Variants in PACRG observed in about 807,000 individuals in gnomAD.
PACRG encodes the protein parkin coregulated gene protein.
Under a neutral mutation model 29.7 loss-of-function variants are expected in PACRG, and 29 were observed. That is an observed-to-expected ratio of 0.98 (90% CI 0.73 to 1.33). The LOEUF (loss-of-function observed/expected upper bound fraction) is 1.33, where lower values mean the gene tolerates loss of function less well. Ranked by LOEUF, PACRG falls within the 40% of genes most tolerant of loss-of-function variation. PACRG has a pLI of 0.00. For missense variants in PACRG, 279 were observed against 316.2 expected, an observed-to-expected ratio of 0.88 and a Z score of 0.89; for synonymous variants, 116 against 118.7, an observed-to-expected ratio of 0.98 and a Z score of 0.15.
chr6:163,292,196 C>T (rs1355241519), intron 4 of PACRG, among the ~76,000 whole-genome samples: 2 of 152,078 alleles, frequency 1.3e-5, no homozygotes, highest in Admixed American at 6.6e-5. Flanking sequence ...AAAGGAAGAC[C>T]GACCTCGACA....
chr6:163,174,875 A>G (rs10806770), intron 4 of PACRG, among the ~76,000 whole-genome samples: 45,795 of 151,592 alleles, frequency 0.3, 7,118 homozygotes, highest in East Asian at 0.46. Context: ...GAGTCCTCAC[A>G]GCACACGTAA....
At chr6:163,030,886 TG>T (rs1807597951) in intron 2 of PACRG, among the ~76,000 whole-genome samples, 1 of 152,218 alleles carries the variant, frequency 6.6e-6, no homozygotes, top group Non-Finnish European at 1.5e-5. Context: ...GCTTCTTTAC[TG>T]CAACCTGTTT....
intron 4 of PACRG, among the ~76,000 whole-genome samples, chr6:163,138,985 A>G (rs1452448687): frequency 6.6e-6 from 1 of 152,212 alleles, no homozygotes; most frequent in East Asian, 1.9e-4. Flanking sequence ...TAGACCGGCC[A>G]TATCCTGACT....
At chr6:163,118,360 G>A (rs7742100) in intron 4 of PACRG, among the ~76,000 whole-genome samples, 5,221 of 152,324 alleles carry the variant, frequency 0.034, 324 homozygotes, top group African/African-American at 0.12. Context: ...TTGAGTCACT[G>A]ATTCCATGTC....
chr6:162,799,640 T>C (rs1785685270), intron 1 of PACRG, among the ~76,000 whole-genome samples: 2 of 152,040 alleles, frequency 1.3e-5, no homozygotes, highest in Admixed American at 6.5e-5. Context: ...CTTTTTTTTT[T>C]CTTACTACTA....
intron 1 of PACRG, among the ~76,000 whole-genome samples, chr6:162,730,631 A>T (rs1320179129): frequency 6.6e-6 from 1 of 152,176 alleles, no homozygotes; most frequent in East Asian, 1.9e-4. Flanking sequence ...AACAATCTGG[A>T]TATGAGAGTG....
At chr6:163,025,081 T>C (rs1246281254) in intron 2 of PACRG, among the ~76,000 whole-genome samples, 1 of 152,184 alleles carries the variant, frequency 6.6e-6, no homozygotes, top group Non-Finnish European at 1.5e-5. Flanking sequence ...TGAAGGAACA[T>C]TGCTCAAAAT....
intron 4 of PACRG, chr6:163,166,175 T>TGAAAG (rs1276985737): frequency 4.4e-6 from 2 of 456,300 alleles, no homozygotes; most frequent in Non-Finnish European, 8.8e-6. Flanking sequence ...GGTTTTGTGC[T>TGAAAG]CGTTTCCTCT....
At chr6:163,024,795 T>C (rs188235708) in intron 2 of PACRG, among the ~76,000 whole-genome samples, 1 of 152,146 alleles carries the variant, frequency 6.6e-6, no homozygotes. Context: ...CAGACAAATA[T>C]CCCTCATGAA....
At chr6:163,300,667 C>T (rs1784953800) in intron 4 of PACRG, among the ~76,000 whole-genome samples, 1 of 152,210 alleles carries the variant, frequency 6.6e-6, no homozygotes, top group Non-Finnish European at 1.5e-5. Flanking sequence ...TTTAGTGCCT[C>T]AAAACACAAA....
intron 2 of PACRG, among the ~76,000 whole-genome samples, chr6:162,967,278 G>A (rs868827396): frequency 6.6e-6 from 1 of 151,566 alleles, no homozygotes; most frequent in Admixed American, 6.6e-5. Context: ...GGTATCAAAT[G>A]TGTCTGGTCT....
At chr6:162,810,436 G>A (rs1281505536) in intron 1 of PACRG, among the ~76,000 whole-genome samples, 1 of 152,134 alleles carries the variant, frequency 6.6e-6, no homozygotes, top group Non-Finnish European at 1.5e-5. Flanking sequence ...ATCTCAGAGT[G>A]AATGTAAAAA....
rs11759736 is a variant in PACRG at position 162,915,939 on chromosome 6, G to A, written c.291+101658G>A. ...AGCTATACATATTTAAAGAACTTAA[G>A]AGGAAAGCACAGTTTTTACATTACC... On this transcript the variant is annotated intron_variant, in intron 2 of 4. Coordinates refer to ENST00000366888, the MANE Select transcript of PACRG (RefSeq NM_001080379.2). 2.5e-3 allele frequency among the ~76,000 whole-genome samples: 376 copies of A among 152,206 alleles called. 1 individual carries two copies. Among genetic ancestry groups the A allele is most frequent in the Non-Finnish European group, 4.5e-3 (305 of 67,970 alleles).
chr6:163,263,088 G>C (rs1421314012), intron 4 of PACRG, among the ~76,000 whole-genome samples: 1 of 148,034 alleles, frequency 6.8e-6, no homozygotes, highest in Non-Finnish European at 1.5e-5. Context: ...CTGCAATTGT[G>C]AAAAATAAAT....
intron 4 of PACRG, among the ~76,000 whole-genome samples, chr6:163,232,092 A>G (rs919421116): frequency 2.6e-5 from 4 of 152,318 alleles, no homozygotes; most frequent in Admixed American, 2.6e-4. Context: ...GCCAGCCTCT[A>G]CCACCCAAGG....
intron 4 of PACRG, among the ~76,000 whole-genome samples, chr6:163,217,808 C>T (rs1304216003): frequency 6.6e-6 from 1 of 151,966 alleles, no homozygotes; most frequent in African/African-American, 2.4e-5. Flanking sequence ...GATGATCTGC[C>T]ACTGTCTCCC....
At chr6:163,020,602 A>T (rs1446732286) in intron 2 of PACRG, among the ~76,000 whole-genome samples, 2 of 152,120 alleles carry the variant, frequency 1.3e-5, no homozygotes, top group Admixed American at 6.5e-5. Flanking sequence ...CGTTCGCATC[A>T]TGGTGCTGCT....
In PACRG at chr6:162,939,904, A is replaced by G. The variant is rs560707490; in HGVS notation, c.292-122246A>G. Among the ~76,000 whole-genome samples the G allele has an allele frequency of 7.2e-5, 11 of 152,316 alleles. No individual in the cohort carries two copies. The South Asian group carries it at 2.3e-3, about 32-fold the overall frequency. ...TCTTAAATTAAGAACCATACAGTAA[A>G]TTAGTTCATACTGGTAATTATATTT... is the stretch of plus-strand genomic sequence containing the variant. On this transcript the variant is annotated intron_variant, in intron 2 of 4. Transcript: ENST00000366888.
intron 2 of PACRG, among the ~76,000 whole-genome samples, chr6:162,891,772 G>A (rs1219952496): frequency 6.6e-6 from 1 of 152,096 alleles, no homozygotes; most frequent in African/African-American, 2.4e-5. Flanking sequence ...GGTCACTCAG[G>A]TACAAGCCCA....
Sources: allele counts gnomAD v4.1 joint callset (sites outside exome capture counted in the v4.1 genomes callset), GRCh38; gene constraint gnomAD v4.1.1; transcripts MANE v1.5; gene names NCBI Gene and HGNC (gene_info 2026-07-23, HGNC 2026-07-21).